Variants in CASS4 observed in about 807,000 individuals in gnomAD.
The protein encoded by CASS4 is cas scaffolding protein family member 4.
Under a neutral mutation model 54.2 loss-of-function variants are expected in CASS4, and 22 were observed. The observed-to-expected ratio is 0.41, with a 90% confidence interval of 0.29 to 0.58. The LOEUF (loss-of-function observed/expected upper bound fraction) is 0.58. Among genes scored for constraint, CASS4 ranks in the 20% least tolerant of loss-of-function variants. CASS4 has a pLI of 0.36. For missense variants in CASS4, 854 were observed against 986.7 expected (o/e 0.87, Z 1.80); for synonymous variants, 409 against 391.5 (o/e 1.04, Z -0.53).
chr20:56,456,029 C>T (rs998975197), intron 5 of CASS4, among the ~76,000 whole-genome samples: 6 of 151,810 alleles, frequency 4.0e-5, no homozygotes, highest in African/African-American at 1.2e-4. Flanking sequence ...TAATAATGTG[C>T]ATTTCTAGCA....
At position 56,412,491 on chromosome 20, in the gene CASS4, C is replaced by T. The variant is rs773960659; in HGVS notation, c.33C>T (p.Pro11=). MKGTGIMDCA[P]KALLARALYD... Reference sequence around the variant, plus strand: ...GAACAGGCATCATGGACTGTGCGCCCAAGGTGAGTGATGTGGGGCTGTTTG... The same window carrying T: ...GAACAGGCATCATGGACTGTGCGCCTAAGGTGAGTGATGTGGGGCTGTTTG... Residue 11 remains proline, a synonymous_variant, in exon 1 of 6, where the codon CCC becomes CCT. Transcript: ENST00000679887. The surrounding 1 kb of genome is among the most constrained non-coding windows in gnomAD (Gnocchi z 4.2). 12 of 1,612,176 alleles carry T rather than the reference C, an allele frequency of 7.4e-6. No individual in the cohort carries two copies. The highest frequency in any genetic ancestry group is 9.3e-6 in the Non-Finnish European group (11 of 1,179,112).
chr20:56,453,001 G>A lies in CASS4; in HGVS notation c.1825G>A (p.Glu609Lys). The change falls in exon 5 of 6, where the codon GAA (glutamate) becomes AAA (lysine). Residue 609 changes from glutamate (E) to lysine (K), a missense_variant. Transcript: ENST00000679887. ...QLTPNAEFKC[E>K]KYIQPPQRET... ...GACCCCAAATGCAGAATTTAAGTGT[G>A]AAAAATACATCCAGCCTCCCCAAAG... The A allele has an allele frequency of 6.2e-7, 1 of 1,614,012 alleles. No homozygotes were observed. The highest frequency in any genetic ancestry group is 8.5e-7 in the Non-Finnish European group (1 of 1,179,998).
rs1253249351 is a variant in CASS4, at chr20:56,412,428, G to C, written c.-31G>C. The C allele has an allele frequency of 6.2e-7, 1 of 1,610,766 alleles. No individual in the cohort carries two copies. The highest frequency in any genetic ancestry group is 1.1e-5 in the South Asian group (1 of 90,332). Reference sequence around the variant, plus strand: ...TCTGAAGCTGGAGATACTAGCTGCAGAGCTCAGGGGAGCTGCTCCACATCA... The same window carrying C: ...TCTGAAGCTGGAGATACTAGCTGCACAGCTCAGGGGAGCTGCTCCACATCA... On this transcript the variant is annotated 5_prime_UTR_variant, in exon 1 of 6. Coordinates refer to ENST00000679887, the MANE Select transcript of CASS4 (RefSeq NM_020356.4). This position sits in a 1 kb window ranked among gnomAD's most constrained non-coding sequence, Gnocchi z 4.2.
rs1209833082 is a variant in CASS4 at position 56,414,216 on chromosome 20, C to T, written c.36+1722C>T. Among the ~76,000 whole-genome samples, 1 of 152,136 alleles carries T rather than the reference C, an allele frequency of 6.6e-6. No homozygotes were observed. Among genetic ancestry groups the T allele is most frequent in the African/African-American group, 2.4e-5 (1 of 41,418 alleles). On this transcript the variant is annotated intron_variant, in intron 1 of 5. Transcript: ENST00000679887. This position sits in a 1 kb window ranked among gnomAD's most constrained non-coding sequence, Gnocchi z 4.1. ...CATTTTCCAAAATTATCCTTTTTAG[C>T]TTTTCTGGCTGTTGTTGTTTGTGTG...
At chr20:56,417,552 G>A (rs78949129) in intron 1 of CASS4, among the ~76,000 whole-genome samples, 4,656 of 152,268 alleles carry the variant, frequency 0.031, 245 homozygotes, top group African/African-American at 0.1. Flanking sequence ...CTCTGGGAAC[G>A]AAACTCCATG....
intron 1 of CASS4, among the ~76,000 whole-genome samples, chr20:56,435,980 G>A (rs920415855): frequency 6.6e-6 from 1 of 151,944 alleles, no homozygotes; most frequent in African/African-American, 2.4e-5. Context: ...TTGAACTCCC[G>A]GCCTCAAGTG....
chr20:56,447,494 C>G (rs563545624), intron 3 of CASS4, among the ~76,000 whole-genome samples: 1 of 152,212 alleles, frequency 6.6e-6, no homozygotes, highest in African/African-American at 2.4e-5. Context: ...GTCCTGCTCA[C>G]CTGGTTCTGT....
chr20:56,445,650 A>G (rs904013317), intron 2 of CASS4, among the ~76,000 whole-genome samples: 2 of 152,176 alleles, frequency 1.3e-5, no homozygotes, highest in Non-Finnish European at 2.9e-5. Context: ...AACCTGCTTC[A>G]GGTGAACTTC....
In CASS4 at chr20:56,452,841, C is replaced by T; in HGVS notation, c.1665C>T (p.Ser555=). The change falls in exon 5 of 6, where the codon AGC becomes AGT. Residue 555 remains serine (S), a synonymous_variant. Transcript: ENST00000679887. The part of the protein sequence containing the change: ...EVLVTDSVQN[S]PDDLERFVMV... ...TTGTGACTGACAGTGTCCAGAACAG[C>T]CCAGATGACCTTGAGAGGTTTGTCA... 1 of 1,614,034 alleles carries T rather than the reference C, an allele frequency of 6.2e-7. No individual in the cohort carries two copies. The highest frequency in any genetic ancestry group is 8.5e-7 in the Non-Finnish European group (1 of 1,180,016).
At chr20:56,447,074 G>A (rs2146290709) in intron 3 of CASS4, among the ~76,000 whole-genome samples, 1 of 152,174 alleles carries the variant, frequency 6.6e-6, no homozygotes, top group Admixed American at 6.5e-5. Context: ...TGGGCATGGT[G>A]GTTCACGCCT....
chr20:56,441,764 T>G (rs1053177195), intron 2 of CASS4, among the ~76,000 whole-genome samples: 3 of 152,178 alleles, frequency 2.0e-5, no homozygotes, highest in African/African-American at 7.2e-5. Context: ...CAACACCCTT[T>G]GTGTTTCTCC....
intron 2 of CASS4, among the ~76,000 whole-genome samples, chr20:56,442,238 C>T (rs904906841): frequency 3.3e-5 from 5 of 151,732 alleles, no homozygotes; most frequent in Non-Finnish European, 5.9e-5. Context: ...CTAAGAGAGG[C>T]GTCTATGTGT....
At chr20:56,440,993 T>C (rs918524658) in intron 2 of CASS4, among the ~76,000 whole-genome samples, 3 of 150,274 alleles carry the variant, frequency 2.0e-5, no homozygotes, top group Non-Finnish European at 4.5e-5. Context: ...AAAAAATTTT[T>C]TTTTTTTTTT....
At chr20:56,450,865 C>G (rs1204181275) in intron 4 of CASS4, among the ~76,000 whole-genome samples, 186 bp downstream of exon 4, 3 of 152,068 alleles carry the variant, frequency 2.0e-5, no homozygotes, top group Non-Finnish European at 4.4e-5. Context: ...AAAACCCCAT[C>G]TCTACTAAAA....
At chr20:56,431,414 C>A (rs1979897395) in intron 1 of CASS4, among the ~76,000 whole-genome samples, 1 of 152,148 alleles carries the variant, frequency 6.6e-6, no homozygotes. Context: ...TCCAGAGACA[C>A]CCCTGTCAAT....
chr20:56,452,793 T>C lies in CASS4; in HGVS notation c.1617T>C (p.Asn539=), dbSNP rs768670405. The C allele has an allele frequency of 1.2e-6, 2 of 1,614,014 alleles. No homozygotes were observed. Among genetic ancestry groups the C allele is most frequent in the Non-Finnish European group, 1.7e-6 (2 of 1,180,008 alleles). Residue 539 remains asparagine (N), a synonymous_variant, in exon 5 of 6, where the codon AAT becomes AAC. Transcript: ENST00000679887. ...ILLETKESLD[N]RNWPLEVLVT... is the part of the protein sequence containing the mutation. ...TTGAAACAAAGGAAAGCTTGGATAATCGCAATTGGCCTCTGGAAGTTCTTG... is the reference window on the plus strand; with the variant it reads ...TTGAAACAAAGGAAAGCTTGGATAACCGCAATTGGCCTCTGGAAGTTCTTG...
Position 56,458,518 on chromosome 20 carries a change from T to G in CASS4, c.2132T>G (p.Met711Arg). The change falls in exon 6 of 6, where the codon ATG becomes AGG. Residue 711 changes from methionine to arginine, a missense_variant. Transcript: ENST00000679887. ...EIITQSKLVI[M>R]VGQKLVDTLC... ...ATCACTCAGAGCAAGCTGGTCATCA[T>G]GGTGGGACAGAAGCTGGTGGACACG... 1 of 1,614,118 alleles carries G rather than the reference T, an allele frequency of 6.2e-7. No homozygotes were observed. The highest frequency in any genetic ancestry group is 8.5e-7 in the Non-Finnish European group (1 of 1,180,032).
intron 1 of CASS4, among the ~76,000 whole-genome samples, chr20:56,417,728 A>T (rs1979212128): frequency 6.6e-6 from 1 of 152,184 alleles, no homozygotes; most frequent in Admixed American, 6.5e-5. Context: ...TGAGGATAGG[A>T]ACAGCACTAC....
intron 5 of CASS4, 143 bp from the exon 6 acceptor site, chr20:56,458,197 T>C: frequency 4.8e-6 from 3 of 627,352 alleles, no homozygotes; most frequent in Non-Finnish European, 8.2e-6. Context: ...TAGACAACTG[T>C]TGCAGTATTG....
Sources: gnomAD v4.1 joint callset for allele counts (sites outside exome capture counted in the v4.1 genomes callset) on GRCh38, gnomAD v4.1.1 for gene constraint, Gnocchi (gnomAD v3.1) non-coding constraint, MANE v1.5 for transcripts, NCBI Gene and HGNC (gene_info 2026-07-23, HGNC 2026-07-21) for gene names.